Variants in CENPK observed in about 807,000 individuals in gnomAD.
CENPK encodes the protein centromere protein K.
In CENPK, 46 loss-of-function variants were observed where a neutral mutation model predicts 40.9. That is an observed-to-expected ratio of 1.13 (90% confidence interval 0.89 to 1.44). CENPK has a LOEUF of 1.44. CENPK is among the 40% of genes most tolerant of loss of function. The pLI is 0.00. For synonymous variants in CENPK, 107 were observed against 104.4 expected, an observed-to-expected ratio of 1.02 and a Z score of -0.15; for missense variants, 288 against 303.5, an observed-to-expected ratio of 0.95 and a Z score of 0.38.
rs1554107982 is a variant in CENPK at position 65,532,930 on chromosome 5, A to AAC, written c.289-3732_289-3731insGT. Among the ~76,000 whole-genome samples, 185 of 147,278 alleles carry AAC rather than the reference A, an allele frequency of 1.3e-3. 9 individuals carry two copies. The highest frequency in any genetic ancestry group is 4.6e-3 in the African/African-American group (177 of 38,606). ...ATCTCCAAAAAAAAAAAAAAAAAAA[A>AAC]AAAAAATCAATTTTAAAAATCAATC... On this transcript the variant is annotated intron_variant, in intron 6 of 10. Coordinates refer to ENST00000396679, the MANE Select transcript of CENPK (RefSeq NM_022145.5).
intron 2 of CENPK, among the ~76,000 whole-genome samples, chr5:65,557,324 A>C (rs1168348416): frequency 6.6e-6 from 1 of 152,188 alleles, no homozygotes; most frequent in Non-Finnish European, 1.5e-5. Context: ...TTCCCCATCA[A>C]GAGACAGAGT....
At chr5:65,512,170 T>C in the CENPK span, among the ~76,000 whole-genome samples, 322 of 152,264 alleles carry the variant, frequency 2.1e-3, 1 homozygote, top group African/African-American at 5.6e-3. Flanking sequence ...TTAATTCCCA[T>C]GGATGAGCAA....
chr5:65,530,844 A>T (rs1039510728), intron 6 of CENPK, among the ~76,000 whole-genome samples: 4 of 152,198 alleles, frequency 2.6e-5, no homozygotes, highest in Admixed American at 2.0e-4. Context: ...CAGGAGGCGG[A>T]GGCTGCAGTA....
At chr5:65,539,539 T>G (rs1475325613) in intron 6 of CENPK, among the ~76,000 whole-genome samples, 1 of 152,218 alleles carries the variant, frequency 6.6e-6, no homozygotes, top group Non-Finnish European at 1.5e-5. Flanking sequence ...AAGAATAATC[T>G]TTGGTTCAAT....
chr5:65,554,896 C>T lies in CENPK; in HGVS notation c.12G>A (p.Glu4=). The T allele has an allele frequency of 6.3e-7, 1 of 1,577,512 alleles. No individual in the cohort carries two copies. MNQ[E]DLDPDSTTDV... ...CTGTAGTACTATCCGGATCTAGATC[C>T]TCCTGATTCATTGATATATGCTTTG... is the stretch of plus-strand genomic sequence containing the variant. Residue 4 remains glutamate (E), a synonymous_variant, in exon 3 of 11, where the codon GAG becomes GAA. Coordinates refer to ENST00000396679, the MANE Select transcript of CENPK (RefSeq NM_022145.5).
the CENPK span, among the ~76,000 whole-genome samples, chr5:65,505,888 A>G: frequency 2.0e-5 from 3 of 152,162 alleles, no homozygotes; most frequent in Non-Finnish European, 4.4e-5. Flanking sequence ...TCCATGCTTC[A>G]TAATTTTTAC....
intron 1 of CENPK, among the ~76,000 whole-genome samples, chr5:65,562,453 T>G (rs1752172514): frequency 6.6e-6 from 1 of 152,162 alleles, no homozygotes; most frequent in Admixed American, 6.5e-5. Flanking sequence ...GTGGTGCCTA[T>G]CTCAAGGCAA....
chr5:65,525,077 G>A (rs941751679), intron 9 of CENPK, among the ~76,000 whole-genome samples: 8 of 152,020 alleles, frequency 5.3e-5, no homozygotes, highest in Non-Finnish European at 7.4e-5. Context: ...AGTAAAATTA[G>A]GCCAGGCATA....
chr5:65,518,240 GAAT>G lies in CENPK; in HGVS notation c.*232_*234del. 1 of 408,708 alleles carries G rather than the reference GAAT, an allele frequency of 2.4e-6. No individual in the cohort carries two copies. The allele number at this position is 408,708 out of a possible 1,614,324, so 25.3% of individuals were successfully genotyped here. A position where few individuals can be genotyped will look rare whatever the true frequency, so the allele number is the denominator to read the frequency against. ...AGGTACATTAAATGTTTTATGCCTA[GAAT>G]ATTATCTACCTGCATTCTTATCCAT... On this transcript the variant is annotated 3_prime_UTR_variant, in exon 11 of 11. Transcript: ENST00000396679.
chr5:65,498,550 A>G, the CENPK span, among the ~76,000 whole-genome samples: 1 of 151,946 alleles, frequency 6.6e-6, no homozygotes, highest in Non-Finnish European at 1.5e-5. Context: ...AGAAAATTCA[A>G]GAAGAAAACT....
chr5:65,503,456 C>T, the CENPK span, among the ~76,000 whole-genome samples: 1 of 152,144 alleles, frequency 6.6e-6, no homozygotes, highest in East Asian at 1.9e-4. Flanking sequence ...TTTAGGAGAG[C>T]TCTTTATGTA....
intron 6 of CENPK, among the ~76,000 whole-genome samples, chr5:65,534,796 C>G (rs1746577415): frequency 6.6e-6 from 1 of 152,258 alleles, no homozygotes; most frequent in South Asian, 2.1e-4. Flanking sequence ...ACAGAAAATA[C>G]AGGAGAATAT....
chr5:65,501,174 G>GTTTTTTT, the CENPK span, among the ~76,000 whole-genome samples: 8 of 61,686 alleles, frequency 1.3e-4, no homozygotes, highest in East Asian at 6.0e-4. Flanking sequence ...TGCTAAGTTT[G>GTTTTTTT]TTTTTTTTTT....
At chr5:65,546,890 T>C (rs1749092070) in intron 5 of CENPK, among the ~76,000 whole-genome samples, 1 of 152,210 alleles carries the variant, frequency 6.6e-6, no homozygotes, top group Admixed American at 6.5e-5. Flanking sequence ...TAGTAGTTTG[T>C]TATGATAGCT....
At chr5:65,556,012 T>C (rs1331185714) in intron 2 of CENPK, among the ~76,000 whole-genome samples, 2 of 152,220 alleles carry the variant, frequency 1.3e-5, no homozygotes, top group South Asian at 2.1e-4. Flanking sequence ...AATCACAGAC[T>C]GCACATATAA....
At position 65,539,568 on chromosome 5, in the gene CENPK, T is replaced by G. The variant is rs568160988; in HGVS notation, c.288+3234A>C. On this transcript the variant is annotated intron_variant, in intron 6 of 10. Coordinates refer to ENST00000396679, the MANE Select transcript of CENPK (RefSeq NM_022145.5). Reference sequence around the variant, plus strand: ...GTTCAATGCTGTCTTCAAGGCCCACTAGGGTGCAGGTGGCTCTGCCCCTGC... The same window carrying G: ...GTTCAATGCTGTCTTCAAGGCCCACGAGGGTGCAGGTGGCTCTGCCCCTGC... Among the ~76,000 whole-genome samples the G allele has an allele frequency of 3.3e-5, 5 of 152,352 alleles. No homozygotes were observed. The South Asian group carries it at 1.0e-3, about 32-fold the overall frequency.
rs1158447646 is a variant in CENPK, at chr5:65,542,853, AAAAAC to A, written c.242-10_242-6del. On this transcript the variant is annotated splice_polypyrimidine_tract_variant and splice_region_variant and intron_variant, in intron 5 of 10. Coordinates refer to ENST00000396679, the MANE Select transcript of CENPK (RefSeq NM_022145.5). Reference sequence around the variant, plus strand: ...CGTCTTCAGTCAAGGGAATTGCTACAAAAACAAAACAAAACAAAGTTACACATATA... The same window carrying A: ...CGTCTTCAGTCAAGGGAATTGCTACAAAAACAAAACAAAGTTACACATATA... 10 of 1,607,120 alleles carry A rather than the reference AAAAAC, an allele frequency of 6.2e-6. No individual in the cohort carries two copies. Among genetic ancestry groups the A allele is most frequent in the Non-Finnish European group, 5.1e-6 (6 of 1,177,106 alleles).
intron 2 of CENPK, among the ~76,000 whole-genome samples, chr5:65,556,037 G>C: frequency 6.6e-6 from 1 of 152,136 alleles, no homozygotes; most frequent in Non-Finnish European, 1.5e-5. Flanking sequence ...GGTTCCAATG[G>C]AGCTGAAAAA....
At chr5:65,506,394 A>G in the CENPK span, among the ~76,000 whole-genome samples, 1 of 152,012 alleles carries the variant, frequency 6.6e-6, no homozygotes, top group East Asian at 1.9e-4. Flanking sequence ...CACTCCTGCA[A>G]TCCCAGCACT....
Sources: allele counts gnomAD v4.1 joint callset (sites outside exome capture counted in the v4.1 genomes callset), GRCh38; gene constraint gnomAD v4.1.1; transcripts MANE v1.5; gene names NCBI Gene and HGNC (gene_info 2026-07-23, HGNC 2026-07-21).